TENM3: variants seen among roughly 807,000 people sequenced by gnomAD.
TENM3 encodes teneurin transmembrane protein 3.
A neutral mutation model predicts 255.1 loss-of-function variants in TENM3; 63 were observed. That is an observed-to-expected ratio of 0.25 (90% confidence interval 0.20 to 0.30). TENM3 has a LOEUF of 0.30. Among genes scored for constraint, TENM3 ranks in the 10% least tolerant of loss-of-function variants. TENM3 has a pLI of 1.00. For missense variants in TENM3, 2,929 were observed against 3,461.1 expected (o/e 0.85, Z 3.86); for synonymous variants, 1,306 against 1,322.3 (o/e 0.99, Z 0.27).
chr4:182,796,649 G>A lies in TENM3; in HGVS notation c.7226G>A (p.Trp2409Ter). The change falls in exon 27 of 28, where the codon TGG becomes TAG. Residue 2409 changes from tryptophan to a stop codon, truncating the protein, a stop_gained. Transcript: ENST00000511685. LOFTEE classifies it high-confidence loss of function. ...VKDYITDVNS[W>*]LVTFGFHLHN... ...ATTCTTCTCCTAGATGTTAACAGCT[G>A]GCTGGTGACATTTGGTTTCCATCTG... 6.2e-7 allele frequency: 1 copy of A among 1,607,690 alleles called. No homozygotes were observed. Among genetic ancestry groups the A allele is most frequent in the Non-Finnish European group, 8.5e-7 (1 of 1,177,208 alleles).
At chr4:182,549,714 C>T (rs764684720) in intron 3 of TENM3, among the ~76,000 whole-genome samples, 1 of 152,100 alleles carries the variant, frequency 6.6e-6, no homozygotes, top group Non-Finnish European at 1.5e-5. Context: ...ATCATGCATT[C>T]TTCTTTAGAA....
At chr4:181,885,962 T>C in the TENM3 span, among the ~76,000 whole-genome samples, 873 of 152,114 alleles carry the variant, frequency 5.7e-3, 4 homozygotes, top group Non-Finnish European at 7.3e-3. Context: ...ATATCTTGCC[T>C]AACATTTCAA....
At chr4:182,290,250 G>A (rs1761030340) in intron 1 of TENM3, among the ~76,000 whole-genome samples, 4 of 152,144 alleles carry the variant, frequency 2.6e-5, no homozygotes, top group Non-Finnish European at 4.4e-5. Context: ...CGAATGAACC[G>A]TGAGCTGGCA....
At chr4:182,381,204 A>G (rs973686947) in intron 3 of TENM3, among the ~76,000 whole-genome samples, 2 of 152,212 alleles carry the variant, frequency 1.3e-5, no homozygotes, top group Non-Finnish European at 2.9e-5. Flanking sequence ...CGACAGGGGG[A>G]AGTCACAGAA....
At chr4:181,502,449 G>A in the TENM3 span, among the ~76,000 whole-genome samples, 2 of 152,202 alleles carry the variant, frequency 1.3e-5, no homozygotes, top group African/African-American at 4.8e-5. Context: ...GGAGGGTCTG[G>A]AGTAAAATGA....
At chr4:181,902,767 G>A in the TENM3 span, among the ~76,000 whole-genome samples, 1 of 152,012 alleles carries the variant, frequency 6.6e-6, no homozygotes, top group African/African-American at 2.4e-5. Flanking sequence ...CCTGTCAGGG[G>A]GTGGGGGGCA....
chr4:182,285,082 G>A (rs150421794), intron 1 of TENM3, among the ~76,000 whole-genome samples: 44 of 152,212 alleles, frequency 2.9e-4, no homozygotes, highest in African/African-American at 9.6e-4. Flanking sequence ...ACACAGCCAC[G>A]CGGTTATCTT....
At chr4:182,241,553 T>A (rs60375163), upstream of TENM3, among the ~76,000 whole-genome samples, 1,625 of 140,352 alleles carry the variant, frequency 0.012, 34 homozygotes, top group African/African-American at 0.043. Context: ...GGAGTCTTAC[T>A]CTGTTGCTCT....
intron 3 of TENM3, among the ~76,000 whole-genome samples, chr4:182,420,982 A>G (rs929440422): frequency 6.6e-6 from 1 of 152,196 alleles, no homozygotes; most frequent in Non-Finnish European, 1.5e-5. Context: ...AGAAAAAAAA[A>G]GTCAAATGCC....
intron 1 of TENM3, among the ~76,000 whole-genome samples, chr4:182,322,286 A>G (rs1488624436): frequency 2.0e-5 from 3 of 152,196 alleles, no homozygotes; most frequent in Non-Finnish European, 1.5e-5. Flanking sequence ...ATTAGCAACT[A>G]CTTTGAACAG....
chr4:182,532,790 A>C (rs2151846968), intron 3 of TENM3, among the ~76,000 whole-genome samples: 1 of 152,214 alleles, frequency 6.6e-6, no homozygotes, highest in South Asian at 2.1e-4. Flanking sequence ...TATAATTGTC[A>C]TTTTCTTTAA....
At chr4:181,730,022 G>C in the TENM3 span, among the ~76,000 whole-genome samples, 7 of 152,176 alleles carry the variant, frequency 4.6e-5, no homozygotes, top group African/African-American at 1.7e-4. Flanking sequence ...TCTCTCGCGC[G>C]GACCAAAGGT....
chr4:181,916,801 T>C, the TENM3 span, among the ~76,000 whole-genome samples: 5 of 152,004 alleles, frequency 3.3e-5, no homozygotes, highest in Non-Finnish European at 5.9e-5. Context: ...CGTTTGAACC[T>C]GGGAGGCAGA....
At chr4:182,187,609 A>C (rs1753248681) in intron 1 of TENM3, among the ~76,000 whole-genome samples, 1 of 152,132 alleles carries the variant, frequency 6.6e-6, no homozygotes, top group Non-Finnish European at 1.5e-5. Context: ...AGGCAGTGCC[A>C]TGATACCAGA....
At chr4:181,853,411 C>A in the TENM3 span, among the ~76,000 whole-genome samples, 1 of 152,328 alleles carries the variant, frequency 6.6e-6, no homozygotes, top group Non-Finnish European at 1.5e-5. Flanking sequence ...TGTATTTAAA[C>A]CATGTTCCGT....
chr4:182,025,307 C>T, the TENM3 span, among the ~76,000 whole-genome samples: 6 of 152,056 alleles, frequency 3.9e-5, no homozygotes, highest in African/African-American at 1.4e-4. Flanking sequence ...TGATTACAGG[C>T]GTGAGCCACC....
At chr4:182,673,799 C>T (rs1755424407) in intron 7 of TENM3, among the ~76,000 whole-genome samples, 1 of 152,178 alleles carries the variant, frequency 6.6e-6, no homozygotes. Flanking sequence ...GTGTGGTACA[C>T]AAGACAATTC....
the TENM3 span, among the ~76,000 whole-genome samples, chr4:182,069,817 A>G: frequency 1.3e-5 from 2 of 151,776 alleles, no homozygotes; most frequent in South Asian, 4.2e-4. Context: ...AATTCCAGAC[A>G]CTAAGGCTAC....
At chr4:182,309,823 G>A (rs995074255) in intron 1 of TENM3, among the ~76,000 whole-genome samples, 15 of 152,166 alleles carry the variant, frequency 9.9e-5, no homozygotes, top group African/African-American at 3.1e-4. Context: ...AATGACAGCG[G>A]ACATGATTCT....
Sources: allele counts gnomAD v4.1 joint callset (sites outside exome capture counted in the v4.1 genomes callset), GRCh38; gene constraint gnomAD v4.1.1; transcripts MANE v1.5; gene names NCBI Gene and HGNC (gene_info 2026-07-23, HGNC 2026-07-21).